The following DCC variants were observed in gnomAD, a reference collection of about 807,000 sequenced individuals.
DCC encodes the protein netrin receptor DCC.
In DCC, 58 loss-of-function variants were observed where a neutral mutation model predicts 172.5. That is an observed-to-expected ratio of 0.34 (90% CI 0.27 to 0.42). The LOEUF (loss-of-function observed/expected upper bound fraction) is 0.42, where lower values mean the gene tolerates loss of function less well. Ranked by LOEUF, DCC falls within the 10% of genes least tolerant of loss-of-function variation. The probability of loss-of-function intolerance (pLI) is 1.00; values close to 1 mark genes in which losing one functional copy is unlikely to be tolerated. For missense variants in DCC, 1,740 were observed against 1,791.0 expected (o/e 0.97, Z 0.51); for synonymous variants, 709 against 644.5 (o/e 1.10, Z -1.52).
intron 15 of DCC, among the ~76,000 whole-genome samples, chr18:53,353,279 GA>G (rs67730754): frequency 0.043 from 5,860 of 134,952 alleles, 138 homozygotes; most frequent in East Asian, 0.15. Flanking sequence ...CACTTGAGAG[GA>G]AAAAAAAAAA....
At chr18:52,909,158 A>G (rs1307157331) in intron 3 of DCC, among the ~76,000 whole-genome samples, 1 of 152,224 alleles carries the variant, frequency 6.6e-6, no homozygotes, top group Non-Finnish European at 1.5e-5. Context: ...CTCTCATTTC[A>G]AAAATCATCG....
At chr18:52,501,119 A>G (rs72926543) in intron 1 of DCC, among the ~76,000 whole-genome samples, 280 of 152,282 alleles carry the variant, frequency 1.8e-3, no homozygotes, top group Admixed American at 3.6e-3. Context: ...TTTATTTGAA[A>G]TCTTCGCACG....
At chr18:52,700,156 A>G (rs36148020) in intron 1 of DCC, among the ~76,000 whole-genome samples, 38,773 of 151,304 alleles carry the variant, frequency 0.26, 5,558 homozygotes, top group South Asian at 0.42. Context: ...CCACACACAC[A>G]CACATGCACA....
chr18:53,022,544 CGTGT>C (rs10686492), intron 5 of DCC, among the ~76,000 whole-genome samples: 1,848 of 85,664 alleles, frequency 0.022, 28 homozygotes, highest in Middle Eastern at 0.048. Flanking sequence ...TATATATGTG[CGTGT>C]GTGTGTGTGT....
chr18:52,987,649 G>C (rs1034543274), intron 5 of DCC, among the ~76,000 whole-genome samples: 8 of 152,180 alleles, frequency 5.3e-5, no homozygotes, highest in Non-Finnish European at 7.3e-5. Flanking sequence ...CCAAATGGTT[G>C]AGTTGCAACA....
chr18:52,635,890 G>T (rs1261023004), intron 1 of DCC, among the ~76,000 whole-genome samples: 1 of 152,136 alleles, frequency 6.6e-6, no homozygotes, highest in East Asian at 1.9e-4. Flanking sequence ...AGCCGGCAGC[G>T]GCTCGCATTG....
chr18:53,100,769 A>G (rs2043161019), intron 7 of DCC, among the ~76,000 whole-genome samples: 1 of 152,126 alleles, frequency 6.6e-6, no homozygotes, highest in Non-Finnish European at 1.5e-5. Flanking sequence ...GAGCACTCAT[A>G]TATCTTGTGT....
In DCC at chr18:53,505,072, G is replaced by T. The variant is rs73462953; in HGVS notation, c.4111+5562G>T. 2.1e-3 allele frequency among the ~76,000 whole-genome samples: 322 copies of T among 152,236 alleles called. 4 individuals carry two copies. The highest frequency in any genetic ancestry group is 7.5e-3 in the African/African-American group (311 of 41,528). Reference sequence around the variant, plus strand: ...CTAATAATTAAATATTCTTTAGGAGGAACTACATCAGGTAAGTTAAGTCAT... The same window carrying T: ...CTAATAATTAAATATTCTTTAGGAGTAACTACATCAGGTAAGTTAAGTCAT... On this transcript the variant is annotated intron_variant, in intron 27 of 28. Coordinates refer to ENST00000442544, the MANE Select transcript of DCC (RefSeq NM_005215.4).
At chr18:52,698,217 T>C (rs1352162132) in intron 1 of DCC, among the ~76,000 whole-genome samples, 1 of 152,202 alleles carries the variant, frequency 6.6e-6, no homozygotes, top group Non-Finnish European at 1.5e-5. Context: ...AAGCCATGGA[T>C]GACTTTTGAA....
chr18:52,379,387 G>A (rs1187370432), intron 1 of DCC, among the ~76,000 whole-genome samples: 1 of 152,030 alleles, frequency 6.6e-6, no homozygotes, highest in Non-Finnish European at 1.5e-5. Context: ...TGTGATCTTA[G>A]TATGGTTACT....
intron 12 of DCC, among the ~76,000 whole-genome samples, chr18:53,226,948 A>ATATATATTTTTTTTTTTT: frequency 5.7e-4 from 30 of 52,944 alleles, no homozygotes; most frequent in African/African-American, 2.6e-3. Flanking sequence ...ATATATATAT[A>ATATATATTTTTTTTTTTT]TTTTTTTTTT....
chr18:53,404,554 A>G (rs1272992663), intron 19 of DCC, among the ~76,000 whole-genome samples: 1 of 151,818 alleles, frequency 6.6e-6, no homozygotes, highest in South Asian at 2.1e-4. Context: ...ACACGGTGAA[A>G]CCCTGTCTCT....
chr18:53,371,307 C>T (rs1360930069), intron 15 of DCC, among the ~76,000 whole-genome samples: 2 of 151,890 alleles, frequency 1.3e-5, no homozygotes, highest in Non-Finnish European at 2.9e-5. Context: ...CATCTCTTAC[C>T]TAAAGTTATT....
At chr18:53,267,237 A>G (rs764199013) in intron 12 of DCC, among the ~76,000 whole-genome samples, 3 of 152,160 alleles carry the variant, frequency 2.0e-5, no homozygotes, top group African/African-American at 7.2e-5. Context: ...CCCAGGCTGG[A>G]GTGCAGTGGT....
intron 1 of DCC, among the ~76,000 whole-genome samples, chr18:52,576,314 C>T (rs149170469): frequency 2.6e-5 from 4 of 152,292 alleles, no homozygotes; most frequent in African/African-American, 9.6e-5. Context: ...CTAGCAATTT[C>T]CGTAGCCCTG....
intron 7 of DCC, among the ~76,000 whole-genome samples, chr18:53,099,305 C>T (rs757626642): frequency 2.6e-5 from 4 of 151,866 alleles, no homozygotes; most frequent in Non-Finnish European, 5.9e-5. Context: ...GGGTTATTAC[C>T]TGTTATTATC....
At chr18:53,251,945 C>T (rs1222632873) in intron 12 of DCC, among the ~76,000 whole-genome samples, 1 of 151,886 alleles carries the variant, frequency 6.6e-6, no homozygotes, top group Admixed American at 6.6e-5. Flanking sequence ...CCTTTTTCTG[C>T]TGAGGTCTCT....
At chr18:52,778,077 G>A (rs1239408911) in intron 2 of DCC, among the ~76,000 whole-genome samples, 4 of 152,148 alleles carry the variant, frequency 2.6e-5, no homozygotes, top group Non-Finnish European at 2.9e-5. Flanking sequence ...GAAGCAAATC[G>A]TGGCAAAAGT....
At chr18:52,913,593 C>T (rs1156379065) in intron 3 of DCC, among the ~76,000 whole-genome samples, 1 of 151,926 alleles carries the variant, frequency 6.6e-6, no homozygotes, top group African/African-American at 2.4e-5. Context: ...TTACTATTTC[C>T]TGTAAGTTCA....
Sources: allele counts gnomAD v4.1 joint callset (sites outside exome capture counted in the v4.1 genomes callset), GRCh38; gene constraint gnomAD v4.1.1; transcripts MANE v1.5; gene names NCBI Gene and HGNC (gene_info 2026-07-23, HGNC 2026-07-21).